Variants in CEP170 observed in about 807,000 individuals in gnomAD.
The protein encoded by CEP170 is centrosomal protein of 170 kDa.
A neutral mutation model predicts 151.9 loss-of-function variants in CEP170; 21 were observed. That is an observed-to-expected ratio of 0.14 (90% CI 0.10 to 0.20). The LOEUF (loss-of-function observed/expected upper bound fraction) is 0.20, where lower values mean the gene tolerates loss of function less well. Ranked by LOEUF, CEP170 falls within the 10% of genes least tolerant of loss-of-function variation. The pLI is 1.00. For synonymous variants in CEP170, 356 were observed against 648.8 expected, an observed-to-expected ratio of 0.55 and a Z score of 6.86; for missense variants, 964 against 1,892.9, an observed-to-expected ratio of 0.51 and a Z score of 9.11.
chr1:243,210,212 T>C (rs1397308142), intron 4 of CEP170, among the ~76,000 whole-genome samples: 1 of 152,186 alleles, frequency 6.6e-6, no homozygotes, highest in Non-Finnish European at 1.5e-5. Flanking sequence ...GCATGAGGTT[T>C]TTTTCTCAAT....
intron 1 of CEP170, among the ~76,000 whole-genome samples, chr1:243,234,191 G>GCAGAGAAAGAAA (rs2064048975): frequency 6.6e-6 from 1 of 152,114 alleles, no homozygotes; most frequent in African/African-American, 2.4e-5. Context: ...GGTCTACACA[G>GCAGAGAAAGAAA]TAGAGAAAGA....
At chr1:243,163,938 T>C (rs1306797303) in intron 13 of CEP170, among the ~76,000 whole-genome samples, 2 of 152,234 alleles carry the variant, frequency 1.3e-5, no homozygotes, top group African/African-American at 4.8e-5. Context: ...TCCTATACTT[T>C]AAACCAGATA....
chr1:243,182,059 A>G (rs1362370676), intron 10 of CEP170, among the ~76,000 whole-genome samples: 1 of 152,172 alleles, frequency 6.6e-6, no homozygotes, highest in East Asian at 1.9e-4. Context: ...GTTTGGGTCA[A>G]AAAGGCAGAT....
chr1:243,143,214 T>G (rs556642988), intron 14 of CEP170, among the ~76,000 whole-genome samples: 1 of 152,196 alleles, frequency 6.6e-6, no homozygotes, highest in South Asian at 2.1e-4. Context: ...AACCCTGCAC[T>G]CTTTCGTAGA....
At chr1:243,216,927 T>C (rs2062356094) in intron 3 of CEP170, among the ~76,000 whole-genome samples, 1 of 152,232 alleles carries the variant, frequency 6.6e-6, no homozygotes, top group Non-Finnish European at 1.5e-5. Context: ...GATACAGTCA[T>C]GCATTGCTTA....
intron 7 of CEP170, among the ~76,000 whole-genome samples, chr1:243,195,493 T>C (rs1236163125): frequency 1.3e-5 from 2 of 151,998 alleles, no homozygotes; most frequent in Non-Finnish European, 2.9e-5. Flanking sequence ...CGGGAGTTTC[T>C]GGATATATAT....
intron 2 of CEP170, among the ~76,000 whole-genome samples, chr1:243,224,620 A>G (rs1217575355): frequency 6.6e-6 from 1 of 152,164 alleles, no homozygotes. Flanking sequence ...TTACCCCTAT[A>G]GAGACCCTCT....
chr1:243,200,011 T>G (rs186245272), intron 6 of CEP170, among the ~76,000 whole-genome samples: 59 of 152,200 alleles, frequency 3.9e-4, no homozygotes, highest in African/African-American at 1.4e-3. Flanking sequence ...TAGCTGCAGA[T>G]GAAAAATGTT....
chr1:243,169,272 C>A, intron 12 of CEP170: 1 of 163,142 alleles, frequency 6.1e-6, no homozygotes, highest in Non-Finnish European at 1.3e-5. Context: ...AATATTAAAT[C>A]CAAGCTGGTG....
At chr1:243,182,499 T>C (rs2059685175) in intron 10 of CEP170, among the ~76,000 whole-genome samples, 2 of 152,104 alleles carry the variant, frequency 1.3e-5, no homozygotes, top group Admixed American at 1.3e-4. Flanking sequence ...TCTGTGCTTC[T>C]GGCATTTCCA....
intron 3 of CEP170, among the ~76,000 whole-genome samples, chr1:243,214,999 T>G (rs759811713): frequency 1.3e-5 from 2 of 152,216 alleles, no homozygotes; most frequent in Non-Finnish European, 2.9e-5. Flanking sequence ...AGAACATAAA[T>G]TGTGAAGATT....
At chr1:243,142,931 A>T (rs2056028557) in intron 14 of CEP170, among the ~76,000 whole-genome samples, 2 of 152,326 alleles carry the variant, frequency 1.3e-5, no homozygotes, top group Non-Finnish European at 2.9e-5. Context: ...GATTTTTGTC[A>T]TCAATAGAGA....
At chr1:243,133,180 C>T (rs541306283) in intron 17 of CEP170, among the ~76,000 whole-genome samples, 1 of 152,310 alleles carries the variant, frequency 6.6e-6, no homozygotes, top group South Asian at 2.1e-4. Flanking sequence ...TCTCTAAGAG[C>T]CCTTCTCTGA....
intron 3 of CEP170, among the ~76,000 whole-genome samples, chr1:243,220,967 C>T (rs1041402502): frequency 2.0e-5 from 3 of 152,100 alleles, no homozygotes; most frequent in African/African-American, 7.2e-5. Flanking sequence ...GTTGTTTCAC[C>T]TTTTTTACCC....
Position 243,185,426 on chromosome 1 carries a change from G to A in CEP170, c.1566+353C>T, listed in dbSNP as rs138554824. Among the ~76,000 whole-genome samples, 573 of 152,304 alleles carry A rather than the reference G, an allele frequency of 3.8e-3. 1 individual carries two copies. The highest frequency in any genetic ancestry group is 6.8e-3 in the Middle Eastern group (2 of 294). ...TAATATCTACATTTATGTTAACAGAGTTATAGCAATGTTTGTTGGTTGTTT... is the reference window on the plus strand; with the variant it reads ...TAATATCTACATTTATGTTAACAGAATTATAGCAATGTTTGTTGGTTGTTT... On this transcript the variant is annotated intron_variant, in intron 10 of 19. Coordinates refer to ENST00000366542, the MANE Select transcript of CEP170 (RefSeq NM_014812.3). The surrounding 1 kb of genome is among the most constrained non-coding windows in gnomAD (Gnocchi z 4.9).
At chr1:243,163,844 G>A (rs985859697) in intron 13 of CEP170, among the ~76,000 whole-genome samples, 74 of 152,194 alleles carry the variant, frequency 4.9e-4, no homozygotes, top group Admixed American at 4.6e-4. Context: ...AGCATATACT[G>A]CTTTTCTTCA....
chr1:243,195,223 C>T (rs866688349), intron 7 of CEP170, among the ~76,000 whole-genome samples: 1 of 151,400 alleles, frequency 6.6e-6, no homozygotes, highest in Non-Finnish European at 1.5e-5. Flanking sequence ...TAAAAATCAA[C>T]ATGAGAGAGC....
intron 2 of CEP170, among the ~76,000 whole-genome samples, chr1:243,222,328 CG>C (rs1558634893): frequency 6.6e-6 from 1 of 152,094 alleles, no homozygotes; most frequent in Non-Finnish European, 1.5e-5. Flanking sequence ...CTGGAATTCA[CG>C]GGACAGCTCT....
Position 243,165,042 on chromosome 1 carries a change from G to A in CEP170, c.2918C>T (p.Ser973Phe). The change falls in exon 13 of 20, where the codon TCC becomes TTC. Residue 973 changes from serine to phenylalanine, a missense_variant. Transcript: ENST00000366542. ...AGATGATGATTTTGTAACATCTTTGGAAGGAGAACCTGTGGAACACCTATC... is the reference window on the plus strand; with the variant it reads ...AGATGATGATTTTGTAACATCTTTGAAAGGAGAACCTGTGGAACACCTATC... ...YKDRCSTGSP[S>F]KDVTKSSSSG... 1 of 1,612,090 alleles carries A rather than the reference G, an allele frequency of 6.2e-7. No homozygotes were observed.
Sources: allele counts gnomAD v4.1 joint callset (sites outside exome capture counted in the v4.1 genomes callset), GRCh38; gene constraint gnomAD v4.1.1; non-coding constraint Gnocchi (gnomAD v3.1); transcripts MANE v1.5; gene names NCBI Gene and HGNC (gene_info 2026-07-23, HGNC 2026-07-21).